Variants in CDH23 observed in about 807,000 individuals in gnomAD.
CDH23 encodes cadherin related 23.
Under a neutral mutation model 317.1 loss-of-function variants are expected in CDH23, and 189 were observed. That is an observed-to-expected ratio of 0.60 (90% CI 0.53 to 0.67). CDH23 has a LOEUF of 0.67. Among genes scored for constraint, CDH23 ranks in the 30% least tolerant of loss-of-function variants. The pLI is 0.00. For synonymous variants in CDH23, 1,839 were observed against 1,876.8 expected (o/e 0.98, Z 0.52); for missense variants, 4,401 against 4,592.4 (o/e 0.96, Z 1.20).
At position 71,615,628 on chromosome 10, in the gene CDH23, G is replaced by T. The variant is rs368487424; in HGVS notation, c.945+12G>T. On this transcript the variant is annotated intron_variant, in intron 10 of 69. Transcript: ENST00000224721. The stretch of plus-strand genomic sequence containing the variant: ...TCCTGACTGTGAAGGTGAGACCTGG[G>T]TGGGCACCTTCACCCCAGGTAGAGG... 5.0e-6 allele frequency: 8 copies of T among 1,595,106 alleles called. No individual in the cohort carries two copies. The highest frequency in any genetic ancestry group is 6.9e-6 in the Non-Finnish European group (8 of 1,163,152).
chr10:71,442,790 T>C (rs1189646429), intron 2 of CDH23, among the ~76,000 whole-genome samples: 1 of 152,080 alleles, frequency 6.6e-6, no homozygotes, highest in Non-Finnish European at 1.5e-5. Context: ...CCACCTGGCT[T>C]CCCCACCCGA....
At chr10:71,417,982 A>T (rs1489621225) in intron 1 of CDH23, among the ~76,000 whole-genome samples, 1 of 152,274 alleles carries the variant, frequency 6.6e-6, no homozygotes, top group Admixed American at 6.5e-5. Context: ...TTCACTGTTA[A>T]ACCCATCTAT....
In CDH23 at chr10:71,791,133, T is replaced by G. The variant is rs767577086; in HGVS notation, c.6051T>G (p.Gly2017=). 1.9e-6 allele frequency: 3 copies of G among 1,604,122 alleles called. No individual in the cohort carries two copies. The highest frequency in any genetic ancestry group is 3.4e-5 in the Admixed American group (2 of 58,768). ...SGLFDINSST[G]VVTVRSGVII... ...CTGGCTGGCGGCACCGGGTGCCAGG[T>G]GTGGTGACCGTGAGGTCAGGTGTCA... Residue 2017 remains glycine (G), a splice_region_variant and synonymous_variant, in exon 47 of 70, where the codon GGT becomes GGG. Transcript: ENST00000224721.
chr10:71,670,137 G>A (rs1271016809), intron 14 of CDH23, among the ~76,000 whole-genome samples: 2 of 152,238 alleles, frequency 1.3e-5, no homozygotes, highest in African/African-American at 4.8e-5. Context: ...GGCAGGGCAG[G>A]GGCAATAGGG....
At chr10:71,507,169 G>A (rs996517977) in intron 3 of CDH23, among the ~76,000 whole-genome samples, 2 of 152,326 alleles carry the variant, frequency 1.3e-5, no homozygotes, top group East Asian at 3.9e-4. Flanking sequence ...CCAGGGGGCT[G>A]CAGGCTGCCA....
At chr10:71,615,466 T>C in intron 9 of CDH23, 38 bp from the exon 10 acceptor site, 1 of 1,264,204 alleles carries the variant, frequency 7.9e-7, no homozygotes, top group Non-Finnish European at 1.1e-6. Context: ...CCCCCTGCCC[T>C]GTGCCTGGTC....
intron 3 of CDH23, among the ~76,000 whole-genome samples, chr10:71,506,441 C>T (rs1853643595): frequency 6.6e-6 from 1 of 152,180 alleles, no homozygotes; most frequent in African/African-American, 2.4e-5. Flanking sequence ...TATCCTTCAG[C>T]CCTGAGATGC....
At chr10:71,608,033 C>T (rs1393877556) in intron 9 of CDH23, among the ~76,000 whole-genome samples, 5 of 152,190 alleles carry the variant, frequency 3.3e-5, no homozygotes, top group African/African-American at 1.2e-4. Flanking sequence ...CTCACACAGC[C>T]TGGTGAGGTA....
intron 6 of CDH23, among the ~76,000 whole-genome samples, chr10:71,562,418 C>G (rs1857180147): frequency 6.6e-6 from 1 of 152,224 alleles, no homozygotes. Context: ...ATTCTTCTCC[C>G]CATTGTAACT....
chr10:71,690,446 C>T (rs370783628), intron 19 of CDH23, 22 bp from the exon 20 acceptor site: 5 of 1,553,330 alleles, frequency 3.2e-6, no homozygotes, highest in African/African-American at 1.4e-5. Context: ...CACCCCCTGC[C>T]CCCACCTTTT....
chr10:71,774,842 G>A (rs886949399), intron 38 of CDH23, among the ~76,000 whole-genome samples: 3 of 152,196 alleles, frequency 2.0e-5, no homozygotes, highest in Non-Finnish European at 2.9e-5. Context: ...CAGGAACCAG[G>A]GTATCAGGAC....
chr10:71,453,033 C>T (rs1057130879), intron 3 of CDH23, among the ~76,000 whole-genome samples: 5 of 152,200 alleles, frequency 3.3e-5, no homozygotes, highest in African/African-American at 1.2e-4. Context: ...GCTGGGTCCC[C>T]TCCCCTTGGC....
chr10:71,511,360 G>A (rs1282803080), intron 6 of CDH23, 148 bp downstream of exon 6: 8 of 746,130 alleles, frequency 1.1e-5, no homozygotes, highest in South Asian at 1.5e-5. Flanking sequence ...GCAGGTTGGC[G>A]AACATGCTGG....
chr10:71,655,071 A>G (rs1863360421), intron 14 of CDH23, among the ~76,000 whole-genome samples: 1 of 152,164 alleles, frequency 6.6e-6, no homozygotes, highest in South Asian at 2.1e-4. Context: ...CAGTGCCATG[A>G]TGCCACAATT....
intron 9 of CDH23, among the ~76,000 whole-genome samples, chr10:71,597,329 T>G (rs1859925773): frequency 6.6e-6 from 1 of 152,118 alleles, no homozygotes; most frequent in Admixed American, 6.5e-5. Context: ...GACCCGGATA[T>G]CATCCAGTTG....
At chr10:71,538,625 G>A (rs1344451899) in intron 6 of CDH23, among the ~76,000 whole-genome samples, 3 of 152,190 alleles carry the variant, frequency 2.0e-5, no homozygotes, top group Admixed American at 2.0e-4. Context: ...ACTGTCTGAT[G>A]CTGAGGCGAA....
chr10:71,669,611 C>G (rs763971641), intron 14 of CDH23, among the ~76,000 whole-genome samples: 1 of 152,126 alleles, frequency 6.6e-6, no homozygotes, highest in Non-Finnish European at 1.5e-5. Context: ...CTATGTCCGG[C>G]TAATTTTTGT....
In CDH23 at chr10:71,799,582, T is replaced by A. The variant is rs1192111055; in HGVS notation, c.7315T>A (p.Tyr2439Asn). The A allele has an allele frequency of 6.2e-7, 1 of 1,614,034 alleles. No individual in the cohort carries two copies. The highest frequency in any genetic ancestry group is 2.2e-5 in the East Asian group (1 of 44,882). ...ADSGNFALIE[Y>N]SLGDGESKFA... Reference sequence around the variant, plus strand: ...CTCAGGCAACTTTGCACTCATTGAGTACAGCCTTGGAGATGGAGAGAGCAA... The same window carrying A: ...CTCAGGCAACTTTGCACTCATTGAGAACAGCCTTGGAGATGGAGAGAGCAA... Residue 2439 changes from tyrosine (Y) to asparagine (N), a missense_variant, in exon 52 of 70, where the codon TAC becomes AAC. By Grantham distance (143) the Tyr-to-Asn change is moderately radical (BLOSUM62 -2). This residue lies in a region of CDH23 where 189 missense variants were observed against 250.9 expected (regional missense o/e 0.75). Coordinates refer to ENST00000224721, the MANE Select transcript of CDH23 (RefSeq NM_022124.6).
At chr10:71,443,424 G>A (rs112598992) in intron 2 of CDH23, among the ~76,000 whole-genome samples, 1 of 152,348 alleles carries the variant, frequency 6.6e-6, no homozygotes, top group Non-Finnish European at 1.5e-5. Context: ...CCTGTGTGTG[G>A]GAAATGCTTG....
Sources: gnomAD v4.1 joint callset for allele counts (sites outside exome capture counted in the v4.1 genomes callset) on GRCh38, gnomAD v4.1.1 for gene constraint, gnomAD v4.1.1 regional missense constraint, MANE v1.5 for transcripts, NCBI Gene and HGNC (gene_info 2026-07-23, HGNC 2026-07-21) for gene names.